The following FPR3 variants were observed in gnomAD, a reference collection of about 807,000 sequenced individuals.
FPR3 encodes formyl peptide receptor 3.
For missense variants in FPR3, 346 were observed against 443.2 expected (o/e 0.78, Z 1.97); for synonymous variants, 135 against 163.6 (o/e 0.83, Z 1.34).
intron 1 of FPR3, among the ~76,000 whole-genome samples, chr19:51,822,840 C>T (rs2084200567): frequency 6.6e-6 from 1 of 152,000 alleles, no homozygotes; most frequent in East Asian, 1.9e-4. Flanking sequence ...AGCACAGAAT[C>T]TATAGGATGT....
intron 1 of FPR3, among the ~76,000 whole-genome samples, chr19:51,798,243 C>T (rs79554283): frequency 6.6e-6 from 1 of 152,190 alleles, no homozygotes; most frequent in African/African-American, 2.4e-5. Flanking sequence ...GGTATTTTGC[C>T]TCCCAGGGGA....
At chr19:51,812,086 G>A (rs2084101124) in intron 1 of FPR3, among the ~76,000 whole-genome samples, 1 of 152,198 alleles carries the variant, frequency 6.6e-6, no homozygotes, top group Non-Finnish European at 1.5e-5. Context: ...AATAGCCTAT[G>A]TTGGAGGTAG....
chr19:51,820,438 T>C (rs1308727262), intron 1 of FPR3, among the ~76,000 whole-genome samples: 7 of 152,194 alleles, frequency 4.6e-5, no homozygotes, highest in Non-Finnish European at 8.8e-5. Flanking sequence ...TTGCACCAAA[T>C]AGCAGCCCTC....
chr19:51,825,132 T>A lies in FPR3; in HGVS notation c.*322T>A. 1 of 262,744 alleles carries A rather than the reference T, an allele frequency of 3.8e-6. No homozygotes were observed. The highest frequency in any genetic ancestry group is 7.7e-6 in the Non-Finnish European group (1 of 129,724). 16.3% of individuals were successfully genotyped at this position (262,744 alleles called of 1,614,324 possible). ...TTCTGAAACTTCGGACCAACCAGCT[T>A]CAATCAGGGTTCCCACTACCCCCTC... is the stretch of plus-strand genomic sequence containing the variant. On this transcript the variant is annotated 3_prime_UTR_variant, in exon 2 of 2. Coordinates refer to ENST00000339223, the MANE Select transcript of FPR3 (RefSeq NM_002030.5).
chr19:51,802,944 T>G (rs2084033816), intron 1 of FPR3, among the ~76,000 whole-genome samples: 1 of 152,182 alleles, frequency 6.6e-6, no homozygotes, highest in African/African-American at 2.4e-5. Context: ...GAATGTAAGC[T>G]GTCTGAGGGC....
At chr19:51,797,588 A>G (rs2084007298) in intron 1 of FPR3, among the ~76,000 whole-genome samples, 1 of 152,182 alleles carries the variant, frequency 6.6e-6, no homozygotes, top group African/African-American at 2.4e-5. Context: ...ACATTAATCA[A>G]TATTCACCGT....
intron 1 of FPR3, among the ~76,000 whole-genome samples, chr19:51,812,395 G>C (rs1052205470): frequency 1.3e-5 from 2 of 152,138 alleles, no homozygotes; most frequent in East Asian, 3.9e-4. Context: ...TCTTATGATG[G>C]ATGACTACAG....
intron 1 of FPR3, among the ~76,000 whole-genome samples, chr19:51,797,034 G>A (rs1215271152): frequency 3.3e-5 from 5 of 152,194 alleles, no homozygotes; most frequent in African/African-American, 9.7e-5. Flanking sequence ...CTGTAGAGAC[G>A]ACCAAGAGTG....
At chr19:51,796,029 G>A (rs980278052) in intron 1 of FPR3, among the ~76,000 whole-genome samples, 1 of 152,170 alleles carries the variant, frequency 6.6e-6, no homozygotes, top group Admixed American at 6.5e-5. Context: ...AGTGTGGAGG[G>A]TATTTAAGAG....
chr19:51,821,084 G>T (rs1425377160), intron 1 of FPR3, among the ~76,000 whole-genome samples: 2 of 152,200 alleles, frequency 1.3e-5, no homozygotes, highest in East Asian at 3.8e-4. Flanking sequence ...GTGAGGACCA[G>T]AAGTTCCCAT....
intron 1 of FPR3, among the ~76,000 whole-genome samples, chr19:51,818,708 C>T (rs1038245537): frequency 1.3e-5 from 2 of 152,136 alleles, no homozygotes; most frequent in Admixed American, 6.5e-5. Flanking sequence ...TGGCAAGAAG[C>T]TGGCATGGTC....
intron 1 of FPR3, among the ~76,000 whole-genome samples, chr19:51,822,705 G>A (rs1268449004): frequency 1.3e-5 from 2 of 152,238 alleles, no homozygotes; most frequent in African/African-American, 4.8e-5. Flanking sequence ...ACAAATACTA[G>A]CTAAATATTC....
At chr19:51,822,738 A>G (rs1418032196) in intron 1 of FPR3, among the ~76,000 whole-genome samples, 3 of 152,250 alleles carry the variant, frequency 2.0e-5, no homozygotes, top group Admixed American at 1.3e-4. Context: ...TTTATCCCAC[A>G]GACCTTGAAG....
At chr19:51,806,183 G>T (rs2084057421) in intron 1 of FPR3, among the ~76,000 whole-genome samples, 1 of 152,174 alleles carries the variant, frequency 6.6e-6, no homozygotes, top group Non-Finnish European at 1.5e-5. Context: ...CTCAGGCTCA[G>T]CTGACTCATG....
At chr19:51,814,585 C>T (rs1382589985) in intron 1 of FPR3, among the ~76,000 whole-genome samples, 1 of 151,014 alleles carries the variant, frequency 6.6e-6, no homozygotes, top group Non-Finnish European at 1.5e-5. Flanking sequence ...CCTCCATCTG[C>T]TGGGTTCAAG....
intron 1 of FPR3, among the ~76,000 whole-genome samples, chr19:51,813,709 T>C (rs566847755): frequency 6.6e-6 from 1 of 152,252 alleles, no homozygotes; most frequent in South Asian, 2.1e-4. Context: ...TTTGCTTTTG[T>C]ATTTTTAGTA....
chr19:51,810,470 G>A (rs952584341), intron 1 of FPR3, among the ~76,000 whole-genome samples: 13 of 152,124 alleles, frequency 8.5e-5, no homozygotes, highest in African/African-American at 2.9e-4. Flanking sequence ...TTCAGGAATT[G>A]CGGCCCAGGT....
At chr19:51,795,501 A>ATTTTT (rs1361472024) in intron 1 of FPR3, among the ~76,000 whole-genome samples, 170 bp downstream of exon 1, 1,761 of 76,762 alleles carry the variant, frequency 0.023, 141 homozygotes, top group South Asian at 0.031. Context: ...TTCCAGTAAC[A>ATTTTT]TTCTTTTTTT....
At chr19:51,796,730 C>T (rs2084001431) in intron 1 of FPR3, among the ~76,000 whole-genome samples, 1 of 152,124 alleles carries the variant, frequency 6.6e-6, no homozygotes, top group Non-Finnish European at 1.5e-5. Flanking sequence ...TATTTAATCT[C>T]CAAATAGATA....
Sources: gnomAD v4.1 joint callset for allele counts (sites outside exome capture counted in the v4.1 genomes callset) on GRCh38, gnomAD v4.1.1 for gene constraint, MANE v1.5 for transcripts, NCBI Gene and HGNC (gene_info 2026-07-23, HGNC 2026-07-21) for gene names.